The following REEP5 variants were observed in gnomAD, a reference collection of about 807,000 sequenced individuals.
REEP5 encodes the protein receptor expression-enhancing protein 5.
REEP5 carries 24 observed loss-of-function variants against 22.4 expected under a neutral mutation model. The observed-to-expected ratio is 1.07, with a 90% confidence interval of 0.78 to 1.51. The LOEUF (loss-of-function observed/expected upper bound fraction) is 1.51, where lower values mean the gene tolerates loss of function less well. REEP5 is among the 40% of genes most tolerant of loss of function. The pLI, the probability that REEP5 is intolerant of heterozygous loss-of-function variation, is 0.00. For missense variants in REEP5, 252 were observed against 233.0 expected (o/e 1.08, Z -0.53); for synonymous variants, 103 against 88.6 (o/e 1.16, Z -0.92).
intron 2 of REEP5, among the ~76,000 whole-genome samples, chr5:112,913,648 TAC>T (rs1769168998): frequency 6.6e-6 from 1 of 151,966 alleles, no homozygotes; most frequent in Non-Finnish European, 1.5e-5. Context: ...GGTGTTTAAT[TAC>T]AGTGATCTCA....
intron 2 of REEP5, among the ~76,000 whole-genome samples, chr5:112,912,919 T>A (rs1323362138): frequency 1.3e-5 from 2 of 152,242 alleles, no homozygotes; most frequent in East Asian, 3.8e-4. Context: ...CAGGAAACTA[T>A]GCGTGATCAG....
intron 2 of REEP5, among the ~76,000 whole-genome samples, chr5:112,916,047 G>A (rs562915811): frequency 6.6e-6 from 1 of 152,108 alleles, no homozygotes; most frequent in African/African-American, 2.4e-5. Flanking sequence ...TTCACACCAC[G>A]GTGACTTTCT....
intron 3 of REEP5, among the ~76,000 whole-genome samples, 200 bp downstream of exon 3, chr5:112,902,180 G>A (rs1027867477): frequency 4.0e-5 from 6 of 150,438 alleles, no homozygotes; most frequent in East Asian, 3.9e-4. Flanking sequence ...CCAGCTACTC[G>A]GGAGGCTGAG....
intron 4 of REEP5, chr5:112,881,812 C>G (rs1236791404): frequency 6.6e-6 from 1 of 152,274 alleles, no homozygotes; most frequent in Non-Finnish European, 1.5e-5. Context: ...GTCACCCAGG[C>G]TGGAATGCAG....
chr5:112,885,752 A>G (rs912632571), intron 4 of REEP5: 1 of 274,868 alleles, frequency 3.6e-6, no homozygotes, highest in Non-Finnish European at 7.6e-6. Flanking sequence ...GAACTAATTA[A>G]TTTTGACTAC....
intron 2 of REEP5, among the ~76,000 whole-genome samples, chr5:112,908,695 G>A (rs1045523113): frequency 6.6e-6 from 1 of 151,774 alleles, no homozygotes; most frequent in African/African-American, 2.4e-5. Context: ...CCACGACCAC[G>A]ACAGCGCCCA....
intron 3 of REEP5, chr5:112,891,619 G>T (rs776981138): frequency 7.6e-6 from 12 of 1,582,670 alleles, no homozygotes; most frequent in Middle Eastern, 3.3e-4. Flanking sequence ...AATGTCTGAG[G>T]GGTCAGGCGG....
At chr5:112,912,878 A>G (rs558707104) in intron 2 of REEP5, among the ~76,000 whole-genome samples, 60 of 152,366 alleles carry the variant, frequency 3.9e-4, no homozygotes, top group African/African-American at 1.4e-3. Context: ...AATAAGGAAA[A>G]TATTTTTCTC....
In REEP5 at chr5:112,922,096, A is replaced by C. The variant is rs1230684489; in HGVS notation, c.95T>G (p.Val32Gly). ...ACCAAGAGCGATGAAGCTCCTGTTC[A>C]CGCCGGTTTTGGCCTCGAGCTTGGC... ...LLAKLEAKTGVNRSFIALGVI... is the reference protein window; with the variant it reads ...LLAKLEAKTGGNRSFIALGVI... Residue 32 changes from valine (V) to glycine (G), a missense_variant, in exon 1 of 5, where the codon GTG becomes GGG. Val to Gly is a moderately radical substitution (Grantham distance 109, BLOSUM62 -3). Coordinates refer to ENST00000379638, the MANE Select transcript of REEP5 (RefSeq NM_005669.5). 8.1e-6 allele frequency: 13 copies of C among 1,603,822 alleles called. No individual in the cohort carries two copies. The highest frequency in any genetic ancestry group is 4.6e-5 in the East Asian group (2 of 43,734).
At chr5:112,920,755 A>G (rs1334359117) in intron 2 of REEP5, among the ~76,000 whole-genome samples, 1 of 152,192 alleles carries the variant, frequency 6.6e-6, no homozygotes, top group Non-Finnish European at 1.5e-5. Flanking sequence ...ATTAAGGAAG[A>G]CCTAATTGAT....
At chr5:112,914,022 G>T (rs1580754708) in intron 2 of REEP5, among the ~76,000 whole-genome samples, 1 of 151,556 alleles carries the variant, frequency 6.6e-6, no homozygotes, top group East Asian at 2.0e-4. Flanking sequence ...CACACCTGTA[G>T]TCCCAGCTAC....
At chr5:112,893,072 C>T (rs747590336) in intron 3 of REEP5, 1 of 1,035,828 alleles carries the variant, frequency 9.7e-7, no homozygotes, top group Non-Finnish European at 1.4e-6. Flanking sequence ...AGTCCCCAAT[C>T]CAAATAAACT....
Position 112,921,215 on chromosome 5 carries a change from C to T in REEP5, c.160G>A (p.Gly54Arg), listed in dbSNP as rs757462718. Residue 54 changes from glycine (G) to arginine (R), a missense_variant, in exon 2 of 5, where the codon GGA becomes AGA. Gly to Arg is a moderately radical substitution (Grantham distance 125). Coordinates refer to ENST00000379638, the MANE Select transcript of REEP5 (RefSeq NM_005669.5). Reference sequence around the variant, plus strand: ...ATCAGGTTGCAGAGGAGAGAGGCTCCATAACCGAACACCAGGTACAAGGCC... The same window carrying T: ...ATCAGGTTGCAGAGGAGAGAGGCTCTATAACCGAACACCAGGTACAAGGCC... ...LVALYLVFGY[G>R]ASLLCNLIGF... is the part of the protein sequence containing the mutation. 5 of 1,614,152 alleles carry T rather than the reference C, an allele frequency of 3.1e-6. No individual in the cohort carries two copies. The South Asian group carries it at 4.4e-5, about 14-fold the overall frequency.
chr5:112,920,225 T>C (rs1329165637), intron 2 of REEP5, among the ~76,000 whole-genome samples: 1 of 152,216 alleles, frequency 6.6e-6, no homozygotes, highest in Non-Finnish European at 1.5e-5. Context: ...GTTTCTTCCC[T>C]TATAGTCATA....
intron 3 of REEP5, chr5:112,893,896 G>A (rs1302673022): frequency 1.3e-5 from 2 of 152,220 alleles, no homozygotes; most frequent in East Asian, 3.9e-4. Context: ...GCCAGCAGCA[G>A]ATCTTACTGA....
At chr5:112,892,201 T>G in intron 3 of REEP5, 1 of 1,614,160 alleles carries the variant, frequency 6.2e-7, no homozygotes, top group Non-Finnish European at 8.5e-7. Context: ...AGCTTGCAGA[T>G]TTGGAGACAG....
intron 2 of REEP5, among the ~76,000 whole-genome samples, chr5:112,913,810 T>C (rs1004762142): frequency 6.6e-6 from 1 of 152,180 alleles, no homozygotes; most frequent in Admixed American, 6.5e-5. Context: ...TAACTTCAGT[T>C]TGTGGCCTTG....
chr5:112,920,923 G>C (rs879375762), intron 2 of REEP5, among the ~76,000 whole-genome samples: 1 of 152,174 alleles, frequency 6.6e-6, no homozygotes, highest in South Asian at 2.1e-4. Context: ...GCCAAAGAGA[G>C]GGGACACTGG....
chr5:112,892,858 C>T (rs1347048042), intron 3 of REEP5: 2 of 1,613,116 alleles, frequency 1.2e-6, no homozygotes, highest in East Asian at 2.2e-5. Context: ...AAAGAGTAGT[C>T]ATAGGGGGAA....
Sources: gnomAD v4.1 joint callset for allele counts (sites outside exome capture counted in the v4.1 genomes callset) on GRCh38, gnomAD v4.1.1 for gene constraint, MANE v1.5 for transcripts, NCBI Gene and HGNC (gene_info 2026-07-23, HGNC 2026-07-21) for gene names.